Variants in ZNF723 observed in about 807,000 individuals in gnomAD.
ZNF723 encodes the protein zinc finger protein 723.
ZNF723 carries 5 observed loss-of-function variants against 9.4 expected under a neutral mutation model. That is an observed-to-expected ratio of 0.53 (90% confidence interval 0.28 to 1.12). The LOEUF (loss-of-function observed/expected upper bound fraction) is 1.12, where lower values mean the gene tolerates loss of function less well. Among genes scored for constraint, ZNF723 ranks in the 50% most tolerant of loss-of-function variants. The pLI is 0.10. For synonymous variants in ZNF723, 158 were observed against 168.8 expected (o/e 0.94, Z 0.49); for missense variants, 450 against 501.5 (o/e 0.90, Z 0.98).
intron 3 of ZNF723, among the ~76,000 whole-genome samples, chr19:22,850,831 TTC>T (rs1217516259): frequency 9.2e-5 from 14 of 152,190 alleles, no homozygotes; most frequent in African/African-American, 1.7e-4. Flanking sequence ...TTATTTTTTA[TTC>T]TGTTTCACAT....
upstream of ZNF723, chr19:22,832,282 T>C: frequency 3.3e-6 from 4 of 1,206,230 alleles, no homozygotes; most frequent in Non-Finnish European, 4.7e-6. Flanking sequence ...TTCCGGGATT[T>C]GGCGCGGCCT....
chr19:22,816,373 C>A, the ZNF723 span, among the ~76,000 whole-genome samples: 1 of 152,164 alleles, frequency 6.6e-6, no homozygotes, highest in African/African-American at 2.4e-5. Context: ...GACTCTCAGA[C>A]CAAGATCCAG....
chr19:22,836,426 C>T (rs1967167928), intron 1 of ZNF723, among the ~76,000 whole-genome samples: 1 of 151,898 alleles, frequency 6.6e-6, no homozygotes, highest in Non-Finnish European at 1.5e-5. Flanking sequence ...GGAGGAAGTA[C>T]CAACCATAAG....
At chr19:22,846,804 T>TATAATTTCC (rs967632335) in intron 1 of ZNF723, among the ~76,000 whole-genome samples, 27 of 145,444 alleles carry the variant, frequency 1.9e-4, no homozygotes, top group Admixed American at 1.3e-3. Context: ...GCATTCAGCC[T>TATAATTTCC]ATAATTTCCT....
chr19:22,847,660 G>T (rs1422510527), intron 1 of ZNF723, among the ~76,000 whole-genome samples: 1 of 151,984 alleles, frequency 6.6e-6, no homozygotes, highest in Non-Finnish European at 1.5e-5. Context: ...TGTTAATATA[G>T]CACTCAAAAA....
chr19:22,847,883 C>G (rs979612337), intron 1 of ZNF723, among the ~76,000 whole-genome samples: 1 of 151,904 alleles, frequency 6.6e-6, no homozygotes, highest in Non-Finnish European at 1.5e-5. Flanking sequence ...GATGCATCAT[C>G]CGAGGTCAGG....
chr19:22,817,248 T>A, the ZNF723 span, among the ~76,000 whole-genome samples: 1 of 152,186 alleles, frequency 6.6e-6, no homozygotes, highest in Admixed American at 6.5e-5. Context: ...TTGTGAAATA[T>A]CACTGGACCC....
the ZNF723 span, among the ~76,000 whole-genome samples, chr19:22,825,458 C>T: frequency 3.3e-5 from 5 of 152,356 alleles, no homozygotes; most frequent in South Asian, 6.2e-4. Flanking sequence ...TAATTCCACT[C>T]GTCTGTGTAG....
At chr19:22,848,895 G>C (rs1967352185) in intron 2 of ZNF723, among the ~76,000 whole-genome samples, 1 of 151,802 alleles carries the variant, frequency 6.6e-6, no homozygotes, top group African/African-American at 2.4e-5. Flanking sequence ...GCTGGGAGTA[G>C]AGGCATGTGC....
At chr19:22,819,903 G>A in the ZNF723 span, among the ~76,000 whole-genome samples, 16 of 152,108 alleles carry the variant, frequency 1.1e-4, no homozygotes, top group African/African-American at 3.1e-4. Flanking sequence ...ACATATGTGT[G>A]GGTCAAACAC....
chr19:22,825,042 T>C, the ZNF723 span, among the ~76,000 whole-genome samples: 2 of 152,310 alleles, frequency 1.3e-5, no homozygotes, highest in South Asian at 4.1e-4. Flanking sequence ...GAGGTGACAT[T>C]GTGATTCTTA....
the ZNF723 span, among the ~76,000 whole-genome samples, chr19:22,819,129 CT>C: frequency 1.3e-5 from 2 of 152,212 alleles, no homozygotes; most frequent in Admixed American, 1.3e-4. Flanking sequence ...TGTTTTTCTT[CT>C]GCTTTGGCCC....
At chr19:22,831,486 G>A (rs1169892886), upstream of ZNF723, among the ~76,000 whole-genome samples, 3 of 152,008 alleles carry the variant, frequency 2.0e-5, no homozygotes, top group Non-Finnish European at 2.9e-5. Flanking sequence ...GAGACTGGGA[G>A]GCGGAGGTTG....
At chr19:22,842,392 A>G (rs1234885810) in intron 1 of ZNF723, among the ~76,000 whole-genome samples, 2 of 152,224 alleles carry the variant, frequency 1.3e-5, no homozygotes, top group African/African-American at 2.4e-5. Context: ...ACTGGACACT[A>G]TAACCCATAC....
intron 1 of ZNF723, among the ~76,000 whole-genome samples, chr19:22,845,996 C>T (rs140762907): frequency 4.7e-4 from 68 of 144,834 alleles, no homozygotes; most frequent in African/African-American, 1.5e-3. Context: ...ACTTCTCTTG[C>T]GTTTTTCCTC....
chr19:22,846,040 TTTA>T (rs765768931), intron 1 of ZNF723, among the ~76,000 whole-genome samples: 7 of 152,060 alleles, frequency 4.6e-5, no homozygotes, highest in Non-Finnish European at 1.0e-4. Context: ...TTTTGAAAAT[TTTA>T]TTGATAGTCA....
chr19:22,824,369 G>T, the ZNF723 span, among the ~76,000 whole-genome samples: 1 of 151,988 alleles, frequency 6.6e-6, no homozygotes, highest in South Asian at 2.1e-4. Flanking sequence ...TGCAGATTGA[G>T]ATATTCCTGT....
At chr19:22,848,137 A>T (rs1568406681) in intron 1 of ZNF723, 124 bp from the exon 2 acceptor site, 1 of 432,192 alleles carries the variant, frequency 2.3e-6, no homozygotes, top group Admixed American at 4.2e-5. Context: ...GGAGGATTTC[A>T]GTCATTCCTA....
chr19:22,813,348 C>A, the ZNF723 span, among the ~76,000 whole-genome samples: 2 of 152,154 alleles, frequency 1.3e-5, no homozygotes, highest in African/African-American at 4.8e-5. Context: ...GCAAGTGTGA[C>A]ATATGGCAGA....
Sources: gnomAD v4.1 joint callset for allele counts (sites outside exome capture counted in the v4.1 genomes callset) on GRCh38, gnomAD v4.1.1 for gene constraint, MANE v1.5 for transcripts, NCBI Gene and HGNC (gene_info 2026-07-23, HGNC 2026-07-21) for gene names.